The following NRCAM variants were observed in gnomAD, a reference collection of about 807,000 sequenced individuals.
NRCAM encodes NgCAM-related cell adhesion molecule.
Under a neutral mutation model 156.5 loss-of-function variants are expected in NRCAM, and 83 were observed. That is an observed-to-expected ratio of 0.53 (90% CI 0.44 to 0.64). The LOEUF (loss-of-function observed/expected upper bound fraction) is 0.64, where lower values mean the gene tolerates loss of function less well. Among genes scored for constraint, NRCAM ranks in the 30% least tolerant of loss-of-function variants. The pLI is 0.00. For missense variants in NRCAM, 1,417 were observed against 1,597.3 expected (o/e 0.89, Z 1.92); for synonymous variants, 538 against 563.9 (o/e 0.95, Z 0.65).
Position 108,194,004 on chromosome 7 carries a change from A to G in NRCAM, c.1778+20T>C. The stretch of plus-strand genomic sequence containing the variant: ...TTAAAGAAAGAATGAAGAGAAAGTA[A>G]AGAAATCGTCTTCAAATACCTTTCA... On this transcript the variant is annotated intron_variant, in intron 17 of 32. Transcript: ENST00000379028. The G allele has an allele frequency of 1.2e-6, 2 of 1,609,596 alleles. No homozygotes were observed. Among genetic ancestry groups the G allele is most frequent in the Non-Finnish European group, 1.7e-6 (2 of 1,177,030 alleles).
chr7:108,428,385 G>T (rs538629315), intron 1 of NRCAM, among the ~76,000 whole-genome samples: 2 of 152,256 alleles, frequency 1.3e-5, no homozygotes, highest in East Asian at 1.9e-4. Context: ...TTTCTTCCAT[G>T]ATACATATTT....
chr7:108,283,980 G>T (rs759622879), intron 3 of NRCAM, among the ~76,000 whole-genome samples: 1 of 152,004 alleles, frequency 6.6e-6, no homozygotes, highest in Admixed American at 6.6e-5. Flanking sequence ...TGAGTAGCTG[G>T]ATTACAGGCA....
chr7:108,350,628 T>G (rs1161941228), intron 2 of NRCAM, among the ~76,000 whole-genome samples: 1 of 152,216 alleles, frequency 6.6e-6, no homozygotes, highest in African/African-American at 2.4e-5. Context: ...CTTTCTTTAT[T>G]TTTTGTCTCA....
intron 2 of NRCAM, among the ~76,000 whole-genome samples, chr7:108,319,403 T>C (rs76822558): frequency 0.024 from 3,617 of 152,320 alleles, 66 homozygotes; most frequent in Middle Eastern, 0.037. Context: ...ATCCCTGCCC[T>C]CATAGAGCAT....
At chr7:108,161,346 AT>A (rs1457547494) in intron 30 of NRCAM, among the ~76,000 whole-genome samples, 3 of 152,378 alleles carry the variant, frequency 2.0e-5, no homozygotes, top group African/African-American at 2.4e-5. Context: ...CAGTCATAAT[AT>A]GCAAAATTTC....
intron 10 of NRCAM, among the ~76,000 whole-genome samples, chr7:108,225,094 T>C (rs1401770693): frequency 2.0e-5 from 3 of 152,216 alleles, no homozygotes; most frequent in African/African-American, 7.2e-5. Context: ...GTAAATGCTC[T>C]ACTTTTAAAA....
chr7:108,362,701 G>C (rs937326412), intron 2 of NRCAM, among the ~76,000 whole-genome samples: 3 of 152,124 alleles, frequency 2.0e-5, no homozygotes, highest in African/African-American at 7.2e-5. Context: ...AAAAATCCTT[G>C]TGGTAATAGA....
intron 1 of NRCAM, among the ~76,000 whole-genome samples, chr7:108,419,126 TTTTC>T (rs1187898721): frequency 1.3e-5 from 2 of 152,336 alleles, no homozygotes; most frequent in East Asian, 3.9e-4. Flanking sequence ...TTGCTTCATC[TTTTC>T]TTTAAGTAAA....
At chr7:108,308,826 A>G (rs960602479) in intron 3 of NRCAM, among the ~76,000 whole-genome samples, 1 of 152,234 alleles carries the variant, frequency 6.6e-6, no homozygotes, top group African/African-American at 2.4e-5. Flanking sequence ...GCTGTGTCCC[A>G]TAAGAATAAT....
intron 22 of NRCAM, among the ~76,000 whole-genome samples, chr7:108,183,827 C>A (rs2065017589): frequency 6.6e-6 from 1 of 151,926 alleles, no homozygotes; most frequent in Admixed American, 6.6e-5. Context: ...GAGCTACTGG[C>A]CCCAGGTGGT....
At chr7:108,447,637 T>C (rs7807737) in intron 1 of NRCAM, among the ~76,000 whole-genome samples, 37,440 of 152,078 alleles carry the variant, frequency 0.25, 4,929 homozygotes, top group Non-Finnish European at 0.29. Context: ...ACAAAACAGC[T>C]GGAAAATAGA....
At chr7:108,185,735 G>GAA (rs34028548) in intron 20 of NRCAM, among the ~76,000 whole-genome samples, 2,194 of 128,428 alleles carry the variant, frequency 0.017, 77 homozygotes, top group Admixed American at 0.046. Flanking sequence ...AGAGAGAGAG[G>GAA]AAAAAAAAAA....
chr7:108,258,698 G>A (rs1484044530), intron 3 of NRCAM, among the ~76,000 whole-genome samples: 1 of 152,152 alleles, frequency 6.6e-6, no homozygotes, highest in Non-Finnish European at 1.5e-5. Context: ...CTACCTCCGG[G>A]GCTGTTGAGA....
At chr7:108,343,606 T>A (rs1473184529) in intron 2 of NRCAM, among the ~76,000 whole-genome samples, 1 of 152,162 alleles carries the variant, frequency 6.6e-6, no homozygotes, top group Non-Finnish European at 1.5e-5. Context: ...GGGAACCTCA[T>A]GAGGACATAG....
At chr7:108,435,551 C>T (rs1441219277) in intron 1 of NRCAM, among the ~76,000 whole-genome samples, 2 of 152,062 alleles carry the variant, frequency 1.3e-5, no homozygotes, top group African/African-American at 4.8e-5. Flanking sequence ...ATATACAGAT[C>T]TAAGAAGTTC....
At chr7:108,314,730 G>T (rs1592969582) in intron 2 of NRCAM, among the ~76,000 whole-genome samples, 3 of 152,140 alleles carry the variant, frequency 2.0e-5, no homozygotes, top group Admixed American at 2.0e-4. Flanking sequence ...TTTTTTGCTG[G>T]ACTTTTTTGG....
At chr7:108,345,655 A>G (rs994153926) in intron 2 of NRCAM, among the ~76,000 whole-genome samples, 9 of 152,220 alleles carry the variant, frequency 5.9e-5, no homozygotes, top group African/African-American at 2.2e-4. Flanking sequence ...GCTCTCCACC[A>G]TATGAGGATA....
chr7:108,419,855 G>C (rs1458525557), intron 1 of NRCAM, among the ~76,000 whole-genome samples: 1 of 152,128 alleles, frequency 6.6e-6, no homozygotes, highest in Non-Finnish European at 1.5e-5. Context: ...TGTCCAGTAG[G>C]CATTAAGTCT....
intron 2 of NRCAM, among the ~76,000 whole-genome samples, chr7:108,338,835 G>A (rs1443344220): frequency 6.6e-6 from 1 of 152,172 alleles, no homozygotes; most frequent in African/African-American, 2.4e-5. Context: ...GTAAACAAGG[G>A]TGTAGCCTGA....
Sources: allele counts gnomAD v4.1 joint callset (sites outside exome capture counted in the v4.1 genomes callset), GRCh38; gene constraint gnomAD v4.1.1; transcripts MANE v1.5; gene names NCBI Gene and HGNC (gene_info 2026-07-23, HGNC 2026-07-21).